Variants in CAMKK2 observed in about 807,000 individuals in gnomAD.
CAMKK2 encodes calcium/calmodulin-dependent protein kinase kinase 2.
CAMKK2 carries 30 observed loss-of-function variants against 67.2 expected under a neutral mutation model. The ratio of observed to expected loss-of-function variants is 0.45; its 90% CI spans 0.33 to 0.61. CAMKK2 has a LOEUF of 0.61. Ranked by LOEUF, CAMKK2 falls within the 20% of genes least tolerant of loss-of-function variation. The probability of loss-of-function intolerance (pLI) is 0.02; values close to 1 mark genes in which losing one functional copy is unlikely to be tolerated. For synonymous variants in CAMKK2, 322 were observed against 326.2 expected (o/e 0.99, Z 0.14); for missense variants, 643 against 802.0 (o/e 0.80, Z 2.39).
At chr12:121,243,830 T>C in intron 16 of CAMKK2, 1 of 1,279,552 alleles carries the variant, frequency 7.8e-7, no homozygotes, top group East Asian at 3.5e-5. Flanking sequence ...TCAGTAAAGC[T>C]ATGTTTAAGA....
At chr12:121,284,651 A>C (rs553221550) in intron 1 of CAMKK2, among the ~76,000 whole-genome samples, 11 of 152,292 alleles carry the variant, frequency 7.2e-5, no homozygotes, top group Non-Finnish European at 1.6e-4. Flanking sequence ...GAAGGGGCCA[A>C]CAATTACAGG....
intron 14 of CAMKK2, among the ~76,000 whole-genome samples, chr12:121,246,022 G>A (rs974008828): frequency 1.3e-5 from 2 of 152,108 alleles, no homozygotes; most frequent in African/African-American, 2.4e-5. Flanking sequence ...TCAGAGTGTA[G>A]GATTCCACCA....
At chr12:121,266,629 G>C (rs1282863729) in intron 5 of CAMKK2, among the ~76,000 whole-genome samples, 1 of 151,756 alleles carries the variant, frequency 6.6e-6, no homozygotes, top group African/African-American at 2.4e-5. Context: ...CCGAGTAGCT[G>C]GGATTACAGG....
intron 1 of CAMKK2, among the ~76,000 whole-genome samples, chr12:121,289,664 G>A (rs531620991): frequency 2.6e-4 from 40 of 152,204 alleles, no homozygotes; most frequent in African/African-American, 4.6e-4. Flanking sequence ...AGACTGAGGC[G>A]GGCGGATCAC....
At chr12:121,243,941 G>C in intron 16 of CAMKK2, 1 of 1,442,816 alleles carries the variant, frequency 6.9e-7, no homozygotes, top group Non-Finnish European at 9.1e-7. Context: ...CCTGCAGCAG[G>C]GGTGCCCAGC....
At chr12:121,252,944 C>G (rs182797388) in intron 10 of CAMKK2, among the ~76,000 whole-genome samples, 153 of 152,262 alleles carry the variant, frequency 1.0e-3, no homozygotes, top group African/African-American at 3.5e-3. Flanking sequence ...CCATGTTGGG[C>G]CAATCAGAGC....
intron 11 of CAMKK2, 77 bp downstream of exon 11, chr12:121,252,584 C>T (rs931616529): frequency 3.7e-6 from 5 of 1,354,818 alleles, no homozygotes; most frequent in East Asian, 2.3e-5. Context: ...TAAGTAAGTA[C>T]TGTCTCCCCG....
intron 1 of CAMKK2, among the ~76,000 whole-genome samples, chr12:121,279,216 C>T (rs1370599259): frequency 3.3e-5 from 5 of 152,232 alleles, no homozygotes; most frequent in Non-Finnish European, 5.9e-5. Flanking sequence ...CCTCTGCGGT[C>T]TGTTGGAGGA....
At chr12:121,248,778 T>A (rs1305544517) in intron 13 of CAMKK2, 44 bp from the exon 14 acceptor site, 1 of 1,610,562 alleles carries the variant, frequency 6.2e-7, no homozygotes. Context: ...TGTGGCTGGC[T>A]ACCGGGGGGC....
chr12:121,267,175 T>C (rs1207057596), intron 5 of CAMKK2, among the ~76,000 whole-genome samples: 1 of 138,500 alleles, frequency 7.2e-6, no homozygotes, highest in Non-Finnish European at 1.5e-5. Context: ...AGTGGCGCAA[T>C]CTCAGCTCAC....
upstream of CAMKK2, chr12:121,297,580 TAACAGCACTGTGCGGGG>T (rs768850528): frequency 5.8e-6 from 3 of 516,340 alleles, no homozygotes; most frequent in African/African-American, 1.9e-5. Flanking sequence ...CCCAGCTGGA[TAACAGCACTGTGCGGGG>T]AAGAGGAGAA....
intron 6 of CAMKK2, chr12:121,260,591 C>T (rs56693376): frequency 0.019 from 10,131 of 544,856 alleles, 760 homozygotes; most frequent in African/African-American, 0.18. Flanking sequence ...GATCTGAACA[C>T]TCAGGAGGTC....
rs1402978211 is a variant in CAMKK2, at chr12:121,245,243, G to A, written c.1453-3C>T. On this transcript the variant is annotated splice_region_variant and splice_polypyrimidine_tract_variant and intron_variant, in intron 14 of 16. Coordinates refer to ENST00000404169, the MANE Select transcript of CAMKK2 (RefSeq NM_001270485.2). The surrounding 1 kb of genome is among the most constrained non-coding windows in gnomAD (Gnocchi z 5.8). ...CGTATCATGGTCTTCACCAGGATCT[G>A]AAGAGGGAGAAAAGAGGAGGTGGCA... The A allele has an allele frequency of 3.8e-6, 6 of 1,588,438 alleles. No homozygotes were observed. The highest frequency in any genetic ancestry group is 5.2e-6 in the Non-Finnish European group (6 of 1,162,966).
At chr12:121,252,146 C>G (rs1165164840) in intron 11 of CAMKK2, among the ~76,000 whole-genome samples, 1 of 152,190 alleles carries the variant, frequency 6.6e-6, no homozygotes, top group African/African-American at 2.4e-5. Flanking sequence ...AGAGCCTCTG[C>G]CAATCCTTCT....
chr12:121,263,578 G>A (rs1378728954), intron 6 of CAMKK2, among the ~76,000 whole-genome samples: 1 of 152,126 alleles, frequency 6.6e-6, no homozygotes, highest in Non-Finnish European at 1.5e-5. Context: ...TCCTTTGTCC[G>A]TAAAATGAGA....
chr12:121,248,585 T>G (rs1295020385), intron 14 of CAMKK2, 21 bp downstream of exon 14: 5 of 1,613,866 alleles, frequency 3.1e-6, no homozygotes, highest in Non-Finnish European at 4.2e-6. Flanking sequence ...CTGCTCTGGG[T>G]CAGGGGTCCA....
chr12:121,282,749 TTTTTCTTTTC>T (rs142853866), intron 1 of CAMKK2, among the ~76,000 whole-genome samples: 1 of 150,544 alleles, frequency 6.6e-6, no homozygotes, highest in African/African-American at 2.5e-5. Context: ...TCTGTTCTTT[TTTTTCTTTTC>T]TTTTCTTTTC....
intron 10 of CAMKK2, 103 bp from the exon 11 acceptor site, chr12:121,252,817 T>C (rs1891044141): frequency 2.5e-6 from 3 of 1,180,632 alleles, no homozygotes; most frequent in African/African-American, 3.0e-5. Flanking sequence ...GCCCTTGGAG[T>C]TGGGGCGGGA....
chr12:121,289,876 G>C (rs1899628548), intron 1 of CAMKK2, among the ~76,000 whole-genome samples: 1 of 142,816 alleles, frequency 7.0e-6, no homozygotes, highest in Non-Finnish European at 1.5e-5. Flanking sequence ...CTGAGAGACA[G>C]AGCAAGACCC....
Sources: gnomAD v4.1 joint callset for allele counts (sites outside exome capture counted in the v4.1 genomes callset) on GRCh38, gnomAD v4.1.1 for gene constraint, Gnocchi (gnomAD v3.1) non-coding constraint, MANE v1.5 for transcripts, NCBI Gene and HGNC (gene_info 2026-07-23, HGNC 2026-07-21) for gene names.